SHANK2: variants seen among roughly 807,000 people sequenced by gnomAD.
SHANK2 encodes SH3 and multiple ankyrin repeat domains protein 2.
In SHANK2, 43 loss-of-function variants were observed where a neutral mutation model predicts 133.7. The ratio of observed to expected loss-of-function variants is 0.32; its 90% CI spans 0.25 to 0.41. The LOEUF (loss-of-function observed/expected upper bound fraction) is 0.41. SHANK2 is among the 10% of genes least tolerant of loss of function. The probability of loss-of-function intolerance (pLI) is 1.00; values close to 1 mark genes in which losing one functional copy is unlikely to be tolerated. For synonymous variants in SHANK2, 1,017 were observed against 952.8 expected (o/e 1.07, Z -1.24); for missense variants, 1,994 against 2,235.8 (o/e 0.89, Z 2.18).
chr11:70,504,219 T>C (rs141109635), intron 17 of SHANK2, among the ~76,000 whole-genome samples: 164 of 148,490 alleles, frequency 1.1e-3, no homozygotes, highest in African/African-American at 3.4e-3. Flanking sequence ...AAACTAAACA[T>C]CTGGTATACC....
At chr11:70,810,931 G>A (rs1175054734) in intron 12 of SHANK2, among the ~76,000 whole-genome samples, 3 of 152,314 alleles carry the variant, frequency 2.0e-5, no homozygotes, top group Non-Finnish European at 4.4e-5. Flanking sequence ...CGACATGGGC[G>A]ATTGGAGGAG....
At chr11:70,522,099 A>T (rs920938950) in intron 17 of SHANK2, among the ~76,000 whole-genome samples, 1 of 152,242 alleles carries the variant, frequency 6.6e-6, no homozygotes, top group Admixed American at 6.5e-5. Flanking sequence ...GGCAGAGGCC[A>T]CAGCCTCTTG....
chr11:70,485,242 C>A lies in SHANK2; in HGVS notation c.4979+72G>T. 7.4e-7 allele frequency: 1 copy of A among 1,344,094 alleles called. No homozygotes were observed. Among genetic ancestry groups the A allele is most frequent in the Admixed American group, 1.7e-5 (1 of 59,562 alleles). The allele number at this position is 1,344,094 out of a possible 1,614,324, so 83.3% of individuals were successfully genotyped here. ...TCTTCGTGTCCGCTGGGGCTGCTAC[C>A]CGAGGGCCTTTCCTGGTCAGCAGGG... On this transcript the variant is annotated intron_variant, in intron 25 of 25. Coordinates refer to ENST00000601538, the MANE Select transcript of SHANK2 (RefSeq NM_012309.5). The surrounding 1 kb of genome is among the most constrained non-coding windows in gnomAD (Gnocchi z 5.8).
At chr11:70,775,940 A>G (rs1430472040) in intron 14 of SHANK2, among the ~76,000 whole-genome samples, 1 of 152,210 alleles carries the variant, frequency 6.6e-6, no homozygotes, top group Admixed American at 6.5e-5. Context: ...ACCATATGAC[A>G]GCTTTCATTT....
At chr11:70,813,267 G>A (rs1948315940) in intron 12 of SHANK2, among the ~76,000 whole-genome samples, 1 of 152,148 alleles carries the variant, frequency 6.6e-6, no homozygotes, top group Non-Finnish European at 1.5e-5. Flanking sequence ...GGCTACAAGA[G>A]GGGACAGCTG....
At chr11:70,873,059 G>A (rs1159010255) in intron 11 of SHANK2, 1 of 471,284 alleles carries the variant, frequency 2.1e-6, no homozygotes, top group Non-Finnish European at 4.4e-6. Flanking sequence ...TGGTGCCTCT[G>A]CCTCCCGGGT....
chr11:71,159,821 T>A (rs1555109597), intron 2 of SHANK2, among the ~76,000 whole-genome samples: 1 of 151,906 alleles, frequency 6.6e-6, no homozygotes, highest in African/African-American at 2.4e-5. Context: ...CTGTCTCTAC[T>A]GAAAATACAA....
intron 14 of SHANK2, among the ~76,000 whole-genome samples, chr11:70,761,935 C>CTGG (rs1947006306): frequency 6.6e-6 from 1 of 152,188 alleles, no homozygotes; most frequent in African/African-American, 2.4e-5. Flanking sequence ...GCTGCTGCTG[C>CTGG]TGCTGGTCTG....
intron 9 of SHANK2, among the ~76,000 whole-genome samples, chr11:71,065,592 A>T (rs1321284255): frequency 2.6e-4 from 27 of 102,516 alleles, no homozygotes; most frequent in Middle Eastern, 8.2e-3. Flanking sequence ...TTCCAGAGAG[A>T]TGAGCAGTGA....
At chr11:70,883,709 G>A (rs1335082742) in intron 11 of SHANK2, among the ~76,000 whole-genome samples, 4 of 152,210 alleles carry the variant, frequency 2.6e-5, no homozygotes, top group African/African-American at 4.8e-5. Context: ...CTGGACCCAC[G>A]CCGGAGGCAC....
chr11:70,605,056 G>A (rs561038765), intron 17 of SHANK2, among the ~76,000 whole-genome samples: 4 of 152,378 alleles, frequency 2.6e-5, no homozygotes, highest in South Asian at 4.1e-4. Context: ...CCTGGGGCAG[G>A]GCCAGGGGCC....
intron 11 of SHANK2, among the ~76,000 whole-genome samples, chr11:70,826,188 C>G (rs533621029): frequency 6.6e-6 from 1 of 152,216 alleles, no homozygotes; most frequent in Non-Finnish European, 1.5e-5. Context: ...TAACACACTC[C>G]GTGGCACGGT....
intron 17 of SHANK2, among the ~76,000 whole-genome samples, chr11:70,562,867 ATAAT>A (rs879997685): frequency 1.3e-5 from 2 of 151,460 alleles, no homozygotes; most frequent in Non-Finnish European, 2.9e-5. Flanking sequence ...TTTTGGGTTG[ATAAT>A]TTGTTTGTTT....
Position 70,569,919 on chromosome 11 carries a change from G to A in SHANK2, c.2062-66988C>T, listed in dbSNP as rs780632375. Among the ~76,000 whole-genome samples the A allele has an allele frequency of 2.0e-5, 3 of 149,648 alleles. No homozygotes were observed. The highest frequency in any genetic ancestry group is 3.0e-5 in the Non-Finnish European group (2 of 67,192). ...ACAGAGCAAGACAGAGACACTCACC[G>A]AGACAGAGACACAGAGACATAGAGA... is the stretch of plus-strand genomic sequence containing the variant. On this transcript the variant is annotated intron_variant, in intron 17 of 25. Transcript: ENST00000601538. The surrounding 1 kb of genome is among the most constrained non-coding windows in gnomAD (Gnocchi z 5.1).
chr11:71,189,784 A>T (rs1555115104), intron 2 of SHANK2, among the ~76,000 whole-genome samples: 1 of 152,258 alleles, frequency 6.6e-6, no homozygotes, highest in South Asian at 2.1e-4. Context: ...CTCCATGTCC[A>T]GAGCTCCCCT....
chr11:70,572,991 C>T (rs912229266), intron 17 of SHANK2, among the ~76,000 whole-genome samples: 4 of 152,144 alleles, frequency 2.6e-5, no homozygotes, highest in African/African-American at 9.7e-5. Flanking sequence ...TGGCTGCAAC[C>T]AAACGCCCAT....
At chr11:70,710,848 G>A (rs1382283493) in intron 14 of SHANK2, among the ~76,000 whole-genome samples, 2 of 152,212 alleles carry the variant, frequency 1.3e-5, no homozygotes, top group Admixed American at 6.5e-5. Flanking sequence ...ACAGAGCCTC[G>A]GGGTCGGGGG....
rs2058771596 is a variant in SHANK2, at chr11:70,484,171, T to C, written c.4979+1143A>G. ...AACCATAAGCCATCACGGGAGCCAATGGGGCTCCCCAAAGCCACAGACTGC... is the reference window on the plus strand; with the variant it reads ...AACCATAAGCCATCACGGGAGCCAACGGGGCTCCCCAAAGCCACAGACTGC... On this transcript the variant is annotated intron_variant, in intron 25 of 25. Transcript: ENST00000601538. Among the ~76,000 whole-genome samples the C allele has an allele frequency of 2.0e-5, 3 of 152,194 alleles. No homozygotes were observed. The South Asian group carries it at 6.2e-4, about 31-fold the overall frequency.
At chr11:71,077,141 T>C (rs1951231701) in intron 8 of SHANK2, among the ~76,000 whole-genome samples, 1 of 152,140 alleles carries the variant, frequency 6.6e-6, no homozygotes, top group Non-Finnish European at 1.5e-5. Context: ...CCTCACCCAG[T>C]CGTTTGCATT....
Sources: gnomAD v4.1 joint callset for allele counts (sites outside exome capture counted in the v4.1 genomes callset) on GRCh38, gnomAD v4.1.1 for gene constraint, Gnocchi (gnomAD v3.1) non-coding constraint, MANE v1.5 for transcripts, NCBI Gene and HGNC (gene_info 2026-07-23, HGNC 2026-07-21) for gene names.